CHCHD6: variants seen among roughly 807,000 people sequenced by gnomAD.
CHCHD6 encodes the protein MICOS complex subunit MIC25.
In CHCHD6, 28 loss-of-function variants were observed where a neutral mutation model predicts 32.3. The observed-to-expected ratio is 0.87, with a 90% CI of 0.64 to 1.19. CHCHD6 has a LOEUF of 1.19. Among genes scored for constraint, CHCHD6 ranks in the 50% most tolerant of loss-of-function variants. The probability of loss-of-function intolerance (pLI) is 0.00; values close to 1 mark genes in which losing one functional copy is unlikely to be tolerated. For synonymous variants in CHCHD6, 122 were observed against 117.5 expected, an observed-to-expected ratio of 1.04 and a Z score of -0.25; for missense variants, 333 against 307.0, an observed-to-expected ratio of 1.08 and a Z score of -0.63.
chr3:126,862,286 C>T (rs1404041653), intron 5 of CHCHD6, among the ~76,000 whole-genome samples: 1 of 133,796 alleles, frequency 7.5e-6, no homozygotes, highest in Non-Finnish European at 1.6e-5. Flanking sequence ...TCTACCATCA[C>T]CACCTCCTCC....
At chr3:126,951,970 GT>G (rs1242980328) in intron 6 of CHCHD6, among the ~76,000 whole-genome samples, 1 of 152,154 alleles carries the variant, frequency 6.6e-6, no homozygotes, top group African/African-American at 2.4e-5. Flanking sequence ...TTTTTGTTTT[GT>G]TTTGTTTTAA....
In CHCHD6 at chr3:126,823,880, T is replaced by TACAAAAACAAAA. The variant is rs142328336; in HGVS notation, c.412-28751_412-28740dup. Among the ~76,000 whole-genome samples the TACAAAAACAAAA allele has an allele frequency of 4.1e-3, 622 of 151,116 alleles. 4 individuals carry two copies. Among genetic ancestry groups the TACAAAAACAAAA allele is most frequent in the African/African-American group, 0.013 (538 of 41,014 alleles). The stretch of plus-strand genomic sequence containing the variant: ...GGGCAACATAGCAACACCCTATCTC[T>TACAAAAACAAAA]ACAAAAACAAAAACAAAAACAAAAA... On this transcript the variant is annotated intron_variant, in intron 4 of 7. Transcript: ENST00000290913.
At chr3:126,914,336 C>G (rs1176262036) in intron 5 of CHCHD6, among the ~76,000 whole-genome samples, 1 of 152,206 alleles carries the variant, frequency 6.6e-6, no homozygotes, top group African/African-American at 2.4e-5. Flanking sequence ...CATTGTAGCA[C>G]AGAAGCAGCC....
At chr3:126,708,578 C>A (rs1305789299) in intron 1 of CHCHD6, among the ~76,000 whole-genome samples, 1 of 147,454 alleles carries the variant, frequency 6.8e-6, no homozygotes, top group Non-Finnish European at 1.5e-5. Flanking sequence ...GTCCCAGCTA[C>A]ATGGGAGGCT....
chr3:126,716,584 C>T (rs1302397457), intron 1 of CHCHD6, among the ~76,000 whole-genome samples: 1 of 151,878 alleles, frequency 6.6e-6, no homozygotes, highest in Non-Finnish European at 1.5e-5. Context: ...TGTTATGGAC[C>T]CAGGCCTCTA....
At chr3:126,755,317 G>T (rs1936909345) in intron 4 of CHCHD6, among the ~76,000 whole-genome samples, 2 of 152,142 alleles carry the variant, frequency 1.3e-5, no homozygotes, top group South Asian at 4.1e-4. Flanking sequence ...CACTGTATAG[G>T]GCAGCCCAAG....
At chr3:126,946,729 C>T (rs969881493) in intron 6 of CHCHD6, among the ~76,000 whole-genome samples, 3 of 152,198 alleles carry the variant, frequency 2.0e-5, no homozygotes, top group South Asian at 4.1e-4. Context: ...GCCCTAGCCA[C>T]GGGTTAAAGC....
chr3:126,898,619 A>G (rs1237421538), intron 5 of CHCHD6, among the ~76,000 whole-genome samples: 2 of 152,014 alleles, frequency 1.3e-5, no homozygotes, highest in Non-Finnish European at 2.9e-5. Context: ...GCTCACTGCA[A>G]CCTCTGCCTC....
chr3:126,730,670 G>T (rs762397374), intron 3 of CHCHD6, 40 bp downstream of exon 3: 2 of 1,551,030 alleles, frequency 1.3e-6, no homozygotes, highest in East Asian at 2.2e-5. Flanking sequence ...ACTGCGCTCC[G>T]CCTAAAAGCC....
chr3:126,860,081 C>G (rs1941804644), intron 5 of CHCHD6, among the ~76,000 whole-genome samples: 1 of 152,084 alleles, frequency 6.6e-6, no homozygotes, highest in African/African-American at 2.4e-5. Flanking sequence ...GCCAGCAGTA[C>G]TTCTGTGAGT....
chr3:126,891,981 A>G (rs1287026209), intron 5 of CHCHD6, among the ~76,000 whole-genome samples: 1 of 152,208 alleles, frequency 6.6e-6, no homozygotes, highest in Non-Finnish European at 1.5e-5. Flanking sequence ...TGGAGTGCCC[A>G]GGAGAAGCAT....
intron 5 of CHCHD6, among the ~76,000 whole-genome samples, chr3:126,905,149 C>G (rs1319030946): frequency 6.6e-6 from 1 of 152,198 alleles, no homozygotes; most frequent in African/African-American, 2.4e-5. Context: ...CTGTCAGACC[C>G]ATGGTTGGCC....
chr3:126,849,749 C>T (rs1486718339), intron 4 of CHCHD6, among the ~76,000 whole-genome samples: 1 of 152,180 alleles, frequency 6.6e-6, no homozygotes. Flanking sequence ...ATTTGTGTCT[C>T]CCACTGGGAT....
At chr3:126,908,999 G>A (rs1324007498) in intron 5 of CHCHD6, among the ~76,000 whole-genome samples, 1 of 152,206 alleles carries the variant, frequency 6.6e-6, no homozygotes, top group African/African-American at 2.4e-5. Flanking sequence ...CTGTGCTGCC[G>A]CTCTGTTCTT....
At chr3:126,746,983 T>G (rs1936530637) in intron 4 of CHCHD6, among the ~76,000 whole-genome samples, 1 of 152,166 alleles carries the variant, frequency 6.6e-6, no homozygotes, top group South Asian at 2.1e-4. Flanking sequence ...GGCTGTGAGG[T>G]GGCCCGGGAG....
chr3:126,714,262 A>G (rs1396558367), intron 1 of CHCHD6, among the ~76,000 whole-genome samples: 1 of 151,888 alleles, frequency 6.6e-6, no homozygotes, highest in Non-Finnish European at 1.5e-5. Flanking sequence ...GTATCCTTGC[A>G]TGGTGCTTTA....
intron 4 of CHCHD6, among the ~76,000 whole-genome samples, chr3:126,788,707 T>A (rs965260542): frequency 3.9e-5 from 6 of 152,194 alleles, no homozygotes; most frequent in East Asian, 1.9e-4. Context: ...TCTATTTGAT[T>A]CTTCTCTCTT....
At position 126,727,042 on chromosome 3, in the gene CHCHD6, A is replaced by G. The variant is rs748377444; in HGVS notation, c.88-36A>G. On this transcript the variant is annotated intron_variant, in intron 1 of 7. Coordinates refer to ENST00000290913, the MANE Select transcript of CHCHD6 (RefSeq NM_032343.3). ...CTTTGCTTCCAGGCACTTCTGTGACATAACTTTTTCTTTTCCCTCTTTTCT... is the reference window on the plus strand; with the variant it reads ...CTTTGCTTCCAGGCACTTCTGTGACGTAACTTTTTCTTTTCCCTCTTTTCT... 1.8e-5 allele frequency: 27 copies of G among 1,483,280 alleles called. No individual in the cohort carries two copies. The Admixed American group carries it at 4.5e-4, about 25-fold the overall frequency. 91.9% of individuals were successfully genotyped at this position (1,483,280 alleles called of 1,614,324 possible).
intron 4 of CHCHD6, among the ~76,000 whole-genome samples, chr3:126,762,457 C>T (rs1337990898): frequency 6.6e-6 from 1 of 152,100 alleles, no homozygotes. Flanking sequence ...TTTTCTTTCT[C>T]ATTGATTTCT....
Sources: gnomAD v4.1 joint callset for allele counts (sites outside exome capture counted in the v4.1 genomes callset) on GRCh38, gnomAD v4.1.1 for gene constraint, MANE v1.5 for transcripts, NCBI Gene and HGNC (gene_info 2026-07-23, HGNC 2026-07-21) for gene names.